Variants in PRKG1 observed in about 807,000 individuals in gnomAD.
The protein encoded by PRKG1 is cGMP-dependent protein kinase 1.
In PRKG1, 35 loss-of-function variants were observed where a neutral mutation model predicts 88.1. The observed-to-expected ratio is 0.40, with a 90% CI of 0.30 to 0.53. The LOEUF is 0.53. Ranked by LOEUF, PRKG1 falls within the 20% of genes least tolerant of loss-of-function variation. PRKG1 has a pLI of 0.59. For synonymous variants in PRKG1, 303 were observed against 292.5 expected (o/e 1.04, Z -0.37); for missense variants, 540 against 839.8 (o/e 0.64, Z 4.41).
rs117413305 is a variant in PRKG1 at position 52,004,567 on chromosome 10, G to A, written c.763-49917G>A. 6.0e-3 allele frequency among the ~76,000 whole-genome samples: 906 copies of A among 152,258 alleles called. 6 individuals are homozygous for A. Among genetic ancestry groups the A allele is most frequent in the Middle Eastern group, 0.01 (3 of 292 alleles). On this transcript the variant is annotated intron_variant, in intron 5 of 17. Coordinates refer to ENST00000373980, the MANE Select transcript of PRKG1 (RefSeq NM_006258.4). ...TCTAACGAATATGATTCTTATGTAT[G>A]TTAGGGAGTTAATTTAATTTTCCTT...
chr10:51,778,436 C>T (rs910327444), intron 3 of PRKG1, among the ~76,000 whole-genome samples: 2 of 152,098 alleles, frequency 1.3e-5, no homozygotes, highest in Non-Finnish European at 2.9e-5. Context: ...GGGTGCTGCC[C>T]TTGGGTGCTT....
At chr10:51,548,220 C>G (rs902144760) in intron 3 of PRKG1, among the ~76,000 whole-genome samples, 3 of 146,476 alleles carry the variant, frequency 2.0e-5, no homozygotes. Context: ...CTGCATATTG[C>G]TGGCCTTTTT....
chr10:52,284,916 T>C (rs1589759006), intron 14 of PRKG1, among the ~76,000 whole-genome samples: 1 of 152,104 alleles, frequency 6.6e-6, no homozygotes, highest in Admixed American at 6.6e-5. Flanking sequence ...ATGAGCCACA[T>C]GACCTCCCTG....
chr10:52,015,801 CG>C, intron 5 of PRKG1, among the ~76,000 whole-genome samples: 1 of 152,246 alleles, frequency 6.6e-6, no homozygotes, highest in South Asian at 2.1e-4. Flanking sequence ...CTGCCAGATA[CG>C]CTAAATTATC....
At chr10:51,699,629 G>A in intron 3 of PRKG1, 2 of 1,492,716 alleles carry the variant, frequency 1.3e-6, no homozygotes, top group Non-Finnish European at 1.8e-6. Flanking sequence ...GCTGAGCAAC[G>A]GAAGCGGCTT....
intron 3 of PRKG1, among the ~76,000 whole-genome samples, chr10:51,478,824 G>A (rs1462298363): frequency 6.6e-6 from 1 of 151,796 alleles, no homozygotes; most frequent in East Asian, 1.9e-4. Flanking sequence ...GAAGTTTTGA[G>A]GCTACCAAAT....
At chr10:51,311,945 C>T (rs922095060) in intron 2 of PRKG1, among the ~76,000 whole-genome samples, 2 of 152,136 alleles carry the variant, frequency 1.3e-5, no homozygotes, top group Admixed American at 1.3e-4. Flanking sequence ...GATCTTGGCT[C>T]ACCGCAACCT....
chr10:51,021,834 C>A (rs1843141247), intron 1 of PRKG1, among the ~76,000 whole-genome samples: 1 of 152,066 alleles, frequency 6.6e-6, no homozygotes, highest in African/African-American at 2.4e-5. Context: ...GCGCCTGCCA[C>A]CACACCTGGC....
At chr10:51,772,186 C>G (rs1838321222) in intron 3 of PRKG1, among the ~76,000 whole-genome samples, 1 of 152,070 alleles carries the variant, frequency 6.6e-6, no homozygotes, top group Non-Finnish European at 1.5e-5. Context: ...TAAATTGACT[C>G]AAGCTTTCTA....
chr10:51,735,480 A>G (rs1346348750), intron 3 of PRKG1, among the ~76,000 whole-genome samples: 1 of 152,162 alleles, frequency 6.6e-6, no homozygotes, highest in Admixed American at 6.5e-5. Flanking sequence ...CATGGTTCCC[A>G]GAAGGGAATG....
chr10:51,025,479 C>T (rs1200964551), intron 1 of PRKG1, among the ~76,000 whole-genome samples: 2 of 152,124 alleles, frequency 1.3e-5, no homozygotes, highest in Admixed American at 6.5e-5. Flanking sequence ...TGTTGAGATT[C>T]CCCTGGGGGC....
chr10:51,797,599 A>G (rs1025213584), intron 3 of PRKG1, among the ~76,000 whole-genome samples: 78 of 147,662 alleles, frequency 5.3e-4, no homozygotes, highest in African/African-American at 1.8e-3. Flanking sequence ...TATCTAATAT[A>G]TAAATATACA....
At chr10:51,730,036 T>C (rs1202411423) in intron 3 of PRKG1, among the ~76,000 whole-genome samples, 1 of 152,194 alleles carries the variant, frequency 6.6e-6, no homozygotes, top group South Asian at 2.1e-4. Context: ...GTCCATAGTT[T>C]ACATTAGGGT....
In PRKG1 at chr10:52,224,808, C is replaced by CATATATATAT. The variant is rs71032630; in HGVS notation, c.1077-26740_1077-26731dup. On this transcript the variant is annotated intron_variant, in intron 9 of 17. Coordinates refer to ENST00000373980, the MANE Select transcript of PRKG1 (RefSeq NM_006258.4). ...TTTTTATGGCTGCATAGTATTCCATCATATATATATATATATATATATATA... is the reference window on the plus strand; with the variant it reads ...TTTTTATGGCTGCATAGTATTCCATCATATATATATATATATATATATATATATATATATA... Among the ~76,000 whole-genome samples, 300 of 106,340 alleles carry CATATATATAT rather than the reference C, an allele frequency of 2.8e-3. 11 individuals are homozygous for CATATATATAT. The highest frequency in any genetic ancestry group is 8.2e-3 in the African/African-American group (220 of 26,726). 69.8% of individuals were successfully genotyped at this position (106,340 alleles called of 152,430 possible).
intron 2 of PRKG1, among the ~76,000 whole-genome samples, chr10:51,220,552 C>G (rs1338332755): frequency 2.0e-5 from 3 of 151,636 alleles, no homozygotes; most frequent in Non-Finnish European, 4.4e-5. Flanking sequence ...GTATAGGACA[C>G]CAGTATTAGT....
At chr10:52,290,930 AT>A (rs1224036979) in intron 17 of PRKG1, among the ~76,000 whole-genome samples, 16 of 115,540 alleles carry the variant, frequency 1.4e-4, no homozygotes, top group Admixed American at 2.5e-4. Context: ...TTTTTTTTTA[AT>A]TTTTTTTTTG....
chr10:52,148,942 C>CAGAGGAT (rs1287289160), intron 8 of PRKG1, among the ~76,000 whole-genome samples: 1 of 127,882 alleles, frequency 7.8e-6, no homozygotes, highest in Non-Finnish European at 1.6e-5. Flanking sequence ...TATTTGACCA[C>CAGAGGAT]AGAGGATAGT....
intron 2 of PRKG1, among the ~76,000 whole-genome samples, chr10:51,432,783 T>C (rs1424225000): frequency 1.3e-5 from 2 of 152,194 alleles, no homozygotes; most frequent in Non-Finnish European, 2.9e-5. Flanking sequence ...TCATCACATC[T>C]TCTAGGTCTA....
At chr10:51,977,923 C>G (rs1843889550) in intron 5 of PRKG1, among the ~76,000 whole-genome samples, 3 of 151,946 alleles carry the variant, frequency 2.0e-5, no homozygotes, top group Admixed American at 6.6e-5. Context: ...TGTCGGTTGT[C>G]TGTTTATTCT....
Sources: allele counts gnomAD v4.1 joint callset (sites outside exome capture counted in the v4.1 genomes callset), GRCh38; gene constraint gnomAD v4.1.1; transcripts MANE v1.5; gene names NCBI Gene and HGNC (gene_info 2026-07-23, HGNC 2026-07-21).